Variants in FUT8 observed in about 807,000 individuals in gnomAD.
The protein encoded by FUT8 is alpha-(1,6)-fucosyltransferase.
In FUT8, 29 loss-of-function variants were observed where a neutral mutation model predicts 71.3. That is an observed-to-expected ratio of 0.41 (90% confidence interval 0.30 to 0.55). FUT8 has a LOEUF of 0.55. Among genes scored for constraint, FUT8 ranks in the 20% least tolerant of loss-of-function variants. FUT8 has a pLI of 0.34. For missense variants in FUT8, 544 were observed against 702.1 expected (o/e 0.77, Z 2.55); for synonymous variants, 254 against 239.3 (o/e 1.06, Z -0.57).
chr14:65,741,825 A>G (rs1478133799), intron 10 of FUT8, among the ~76,000 whole-genome samples: 1 of 151,968 alleles, frequency 6.6e-6, no homozygotes, highest in Non-Finnish European at 1.5e-5. Flanking sequence ...ATATTCTTAA[A>G]TTCTTTTGTA....
chr14:65,613,674 C>T (rs575385227), intron 3 of FUT8, among the ~76,000 whole-genome samples: 1 of 152,202 alleles, frequency 6.6e-6, no homozygotes, highest in Non-Finnish European at 1.5e-5. Context: ...TCTCCAATTA[C>T]TTTGGTATAG....
chr14:65,701,614 G>T (rs1423337099), intron 7 of FUT8, among the ~76,000 whole-genome samples: 1 of 152,150 alleles, frequency 6.6e-6, no homozygotes, highest in Non-Finnish European at 1.5e-5. Flanking sequence ...GAGATAAGCT[G>T]TCTTTAGCTA....
intron 3 of FUT8, among the ~76,000 whole-genome samples, chr14:65,573,819 A>G (rs542331580): frequency 5.9e-5 from 9 of 151,860 alleles, no homozygotes; most frequent in Non-Finnish European, 8.8e-5. Flanking sequence ...CATTAGAACT[A>G]TTAGAGAATA....
At chr14:65,464,783 C>CT in intron 2 of FUT8, among the ~76,000 whole-genome samples, 1 of 152,178 alleles carries the variant, frequency 6.6e-6, no homozygotes, top group African/African-American at 2.4e-5. Context: ...AGATATTGTT[C>CT]TGTAATTTTC....
chr14:65,387,085 G>T, the FUT8 span, among the ~76,000 whole-genome samples: 2 of 151,982 alleles, frequency 1.3e-5, no homozygotes, highest in Non-Finnish European at 2.9e-5. Flanking sequence ...AAGGTGATCC[G>T]CCTGCCTTGG....
the FUT8 span, among the ~76,000 whole-genome samples, chr14:65,395,847 G>A: frequency 7.9e-5 from 12 of 152,340 alleles, no homozygotes; most frequent in East Asian, 7.7e-4. Context: ...CAAATTTTCC[G>A]AACTTTTATG....
the FUT8 span, among the ~76,000 whole-genome samples, chr14:65,400,752 G>A: frequency 6.6e-6 from 1 of 152,102 alleles, no homozygotes; most frequent in Non-Finnish European, 1.5e-5. Flanking sequence ...AGGCTTGGTG[G>A]TGTGCACCTG....
the FUT8 span, among the ~76,000 whole-genome samples, chr14:65,380,105 C>G: frequency 5.3e-5 from 8 of 152,102 alleles, no homozygotes; most frequent in Non-Finnish European, 1.2e-4. Flanking sequence ...AAGACATACA[C>G]GAGACTGGGA....
At chr14:65,568,458 C>T (rs1006919378) in intron 3 of FUT8, among the ~76,000 whole-genome samples, 1 of 151,138 alleles carries the variant, frequency 6.6e-6, no homozygotes, top group Non-Finnish European at 1.5e-5. Context: ...AGTTGTATTC[C>T]ATAAGTTTTG....
At chr14:65,456,990 C>T (rs1335199778) in intron 2 of FUT8, among the ~76,000 whole-genome samples, 1 of 151,864 alleles carries the variant, frequency 6.6e-6, no homozygotes, top group African/African-American at 2.4e-5. Context: ...TTGGAATATC[C>T]GTTAACTTAA....
chr14:65,419,131 G>T (rs1175551247), intron 1 of FUT8, among the ~76,000 whole-genome samples: 1 of 151,942 alleles, frequency 6.6e-6, no homozygotes, highest in African/African-American at 2.4e-5. Flanking sequence ...GGGAGGCTGA[G>T]GCAGGAGAAT....
At chr14:65,728,400 CAA>C (rs1202998016) in intron 9 of FUT8, among the ~76,000 whole-genome samples, 3 of 152,304 alleles carry the variant, frequency 2.0e-5, no homozygotes, top group East Asian at 1.9e-4. Context: ...TGGTGGCAGA[CAA>C]GAGAAGAGAG....
At chr14:65,365,629 G>A in the FUT8 span, among the ~76,000 whole-genome samples, 1 of 152,090 alleles carries the variant, frequency 6.6e-6, no homozygotes, top group African/African-American at 2.4e-5. Flanking sequence ...ACCTCTGGTC[G>A]TCCTCACTGC....
intron 10 of FUT8, 96 bp from the exon 11 acceptor site, chr14:65,741,997 T>A (rs1006283668): frequency 5.8e-5 from 55 of 943,914 alleles, no homozygotes; most frequent in Middle Eastern, 4.6e-4. Context: ...TTTCAACCTC[T>A]TACTCCTAGA....
chr14:65,410,908 TAAAA>T (rs925657723), upstream of FUT8: 3 of 147,144 alleles, frequency 2.0e-5, no homozygotes, highest in Non-Finnish European at 3.0e-5. Context: ...TCTTCTATCT[TAAAA>T]AAAAAAAGTT....
chr14:65,420,964 G>A (rs966615063), intron 1 of FUT8, among the ~76,000 whole-genome samples: 1 of 152,158 alleles, frequency 6.6e-6, no homozygotes, highest in Non-Finnish European at 1.5e-5. Context: ...GGAGGCCAAG[G>A]TGGGCGGATC....
At chr14:65,625,581 A>C (rs1369063093) in intron 5 of FUT8, among the ~76,000 whole-genome samples, 6 of 152,248 alleles carry the variant, frequency 3.9e-5, no homozygotes, top group African/African-American at 1.4e-4. Flanking sequence ...AAGGCATCAC[A>C]TATTGGCCTC....
At chr14:65,644,749 C>CAGA (rs1891042649) in intron 6 of FUT8, among the ~76,000 whole-genome samples, 1 of 152,192 alleles carries the variant, frequency 6.6e-6, no homozygotes, top group Admixed American at 6.5e-5. Context: ...TCAACATTTT[C>CAGA]ATCAACTGAT....
chr14:65,492,897 G>A lies in FUT8; in HGVS notation c.-228+37179G>A, dbSNP rs180973622. 2.2e-4 allele frequency among the ~76,000 whole-genome samples: 34 copies of A among 151,996 alleles called. 1 individual carries two copies. The highest frequency in any genetic ancestry group is 2.0e-3 in the Admixed American group (30 of 15,232). On this transcript the variant is annotated intron_variant, in intron 2 of 10. Coordinates refer to ENST00000673929, the MANE Select transcript of FUT8 (RefSeq NM_001371533.1). ...GCAAAGTAGGAATTTTGACCATTTC[G>A]TGTCTCTGTCTCTCCCTCCCCACCT... is the stretch of plus-strand genomic sequence containing the variant.
Sources: allele counts gnomAD v4.1 joint callset (sites outside exome capture counted in the v4.1 genomes callset), GRCh38; gene constraint gnomAD v4.1.1; transcripts MANE v1.5; gene names NCBI Gene and HGNC (gene_info 2026-07-23, HGNC 2026-07-21).